Variants in CNTN5 observed in about 807,000 individuals in gnomAD.
CNTN5 encodes contactin 5, also known as contactin-5.
A neutral mutation model predicts 129.1 loss-of-function variants in CNTN5; 77 were observed. The ratio of observed to expected loss-of-function variants is 0.60; its 90% CI spans 0.50 to 0.72. The LOEUF (loss-of-function observed/expected upper bound fraction) is 0.72. Among genes scored for constraint, CNTN5 ranks in the 30% least tolerant of loss-of-function variants. The pLI is 0.00. For synonymous variants in CNTN5, 509 were observed against 465.6 expected (o/e 1.09, Z -1.20); for missense variants, 1,478 against 1,328.8 (o/e 1.11, Z -1.75).
intron 18 of CNTN5, among the ~76,000 whole-genome samples, chr11:100,280,825 A>AT (rs1423201853): frequency 1.3e-5 from 2 of 151,760 alleles, no homozygotes; most frequent in Admixed American, 1.3e-4. Context: ...TGTAATTTTC[A>AT]TTTTTTGTGT....
intron 13 of CNTN5, among the ~76,000 whole-genome samples, chr11:100,165,730 T>G (rs1486876485): frequency 6.6e-6 from 1 of 151,764 alleles, no homozygotes; most frequent in African/African-American, 2.4e-5. Flanking sequence ...GATTCTACAG[T>G]GCCATTAGGA....
intron 3 of CNTN5, among the ~76,000 whole-genome samples, chr11:99,700,339 T>A (rs2134863892): frequency 6.6e-6 from 1 of 151,510 alleles, no homozygotes; most frequent in Non-Finnish European, 1.5e-5. Flanking sequence ...TTGCCAATCC[T>A]GAGTGTGAAA....
chr11:100,019,778 A>G (rs1941029579), intron 9 of CNTN5, among the ~76,000 whole-genome samples: 1 of 151,904 alleles, frequency 6.6e-6, no homozygotes, highest in Admixed American at 6.6e-5. Flanking sequence ...TTTTCCATGA[A>G]GGCTATACCA....
intron 18 of CNTN5, among the ~76,000 whole-genome samples, chr11:100,284,965 C>CA (rs1293953407): frequency 6.6e-6 from 1 of 152,174 alleles, no homozygotes; most frequent in African/African-American, 2.4e-5. Flanking sequence ...TGGACATAGG[C>CA]AGGAAGTATG....
intron 2 of CNTN5, among the ~76,000 whole-genome samples, chr11:99,425,051 C>T (rs1943058926): frequency 6.6e-6 from 1 of 152,140 alleles, no homozygotes; most frequent in Non-Finnish European, 1.5e-5. Flanking sequence ...GATGAATGTC[C>T]AGCTGTCCAC....
At chr11:100,333,903 G>A (rs1951966208) in intron 21 of CNTN5, among the ~76,000 whole-genome samples, 1 of 152,062 alleles carries the variant, frequency 6.6e-6, no homozygotes, top group Non-Finnish European at 1.5e-5. Flanking sequence ...GAAACCAAAA[G>A]CAAATGCAAC....
intron 2 of CNTN5, among the ~76,000 whole-genome samples, chr11:99,425,011 G>T (rs1046581855): frequency 6.6e-6 from 1 of 152,108 alleles, no homozygotes; most frequent in South Asian, 2.1e-4. Flanking sequence ...ACCCATAGTG[G>T]GTAGCTCCTT....
intron 3 of CNTN5, among the ~76,000 whole-genome samples, chr11:99,819,044 T>A (rs1299392109): frequency 1.3e-5 from 2 of 152,008 alleles, no homozygotes; most frequent in East Asian, 3.9e-4. Context: ...ATGAAGTTCC[T>A]ATCTATGTTT....
chr11:100,319,955 A>C (rs1406545507), intron 21 of CNTN5, among the ~76,000 whole-genome samples: 3 of 152,190 alleles, frequency 2.0e-5, no homozygotes, highest in Non-Finnish European at 4.4e-5. Context: ...TTATCTGTTC[A>C]TCTGTTGATG....
intron 1 of CNTN5, among the ~76,000 whole-genome samples, chr11:99,266,165 C>A (rs1393425363): frequency 6.6e-6 from 1 of 151,964 alleles, no homozygotes; most frequent in Non-Finnish European, 1.5e-5. Context: ...AATTGACCAA[C>A]AATTGACGAT....
chr11:100,326,825 C>G (rs1184780539), intron 21 of CNTN5, among the ~76,000 whole-genome samples: 1 of 152,112 alleles, frequency 6.6e-6, no homozygotes, highest in Non-Finnish European at 1.5e-5. Flanking sequence ...TAAGCTGAAA[C>G]CTATCTGAAA....
chr11:99,341,066 A>G (rs1456571790), intron 2 of CNTN5, among the ~76,000 whole-genome samples: 1 of 152,144 alleles, frequency 6.6e-6, no homozygotes, highest in Non-Finnish European at 1.5e-5. Flanking sequence ...TTTTATTATT[A>G]TGTTTGCATC....
At chr11:99,640,224 G>A (rs1180208965) in intron 3 of CNTN5, among the ~76,000 whole-genome samples, 2 of 152,016 alleles carry the variant, frequency 1.3e-5, no homozygotes, top group African/African-American at 4.8e-5. Flanking sequence ...ATGTTTTTGG[G>A]TATCTTTTCA....
intron 16 of CNTN5, among the ~76,000 whole-genome samples, chr11:100,235,415 A>G (rs1221606477): frequency 6.6e-6 from 1 of 152,168 alleles, no homozygotes; most frequent in African/African-American, 2.4e-5. Context: ...GAATAGCTGA[A>G]GGCAGCTGTT....
intron 2 of CNTN5, among the ~76,000 whole-genome samples, chr11:99,423,947 C>G (rs897646015): frequency 6.6e-6 from 1 of 152,094 alleles, no homozygotes; most frequent in African/African-American, 2.4e-5. Context: ...ATATTAAAAC[C>G]TTAGAGTATA....
chr11:99,655,130 G>T (rs958028300), intron 3 of CNTN5, among the ~76,000 whole-genome samples: 2 of 151,838 alleles, frequency 1.3e-5, no homozygotes, highest in African/African-American at 4.8e-5. Flanking sequence ...TAGAATTTGG[G>T]GTCTTCAAAA....
At chr11:100,138,686 G>A (rs1946602006) in intron 13 of CNTN5, among the ~76,000 whole-genome samples, 1 of 152,022 alleles carries the variant, frequency 6.6e-6, no homozygotes, top group Non-Finnish European at 1.5e-5. Context: ...GGTCACTGAA[G>A]GACTTTGATT....
intron 2 of CNTN5, among the ~76,000 whole-genome samples, chr11:99,540,164 A>G (rs546422274): frequency 6.6e-6 from 1 of 152,256 alleles, no homozygotes; most frequent in South Asian, 2.1e-4. Flanking sequence ...TAGAGTAAGA[A>G]GCTTCTATAT....
chr11:99,698,748 C>T (rs1291690975), intron 3 of CNTN5, among the ~76,000 whole-genome samples: 3 of 150,950 alleles, frequency 2.0e-5, no homozygotes, highest in Non-Finnish European at 4.5e-5. Flanking sequence ...TTTCCCACAT[C>T]ATAAAATTAG....
Sources: allele counts gnomAD v4.1 joint callset (sites outside exome capture counted in the v4.1 genomes callset), GRCh38; gene constraint gnomAD v4.1.1; transcripts MANE v1.5; gene names NCBI Gene and HGNC (gene_info 2026-07-23, HGNC 2026-07-21).